SMARCAD1: variants seen among roughly 807,000 people sequenced by gnomAD.
The protein encoded by SMARCAD1 is SWI/SNF-related matrix-associated actin-dependent regulator of chromatin subfamily A containing DEAD/H box 1.
SMARCAD1 carries 25 observed loss-of-function variants against 127.1 expected under a neutral mutation model. That is an observed-to-expected ratio of 0.20 (90% CI 0.14 to 0.27). SMARCAD1 has a LOEUF of 0.27. Ranked by LOEUF, SMARCAD1 falls within the 10% of genes least tolerant of loss-of-function variation. The pLI is 1.00. For missense variants in SMARCAD1, 807 were observed against 1,206.0 expected (o/e 0.67, Z 4.90); for synonymous variants, 400 against 396.9 (o/e 1.01, Z -0.09).
At chr4:94,274,462 G>A (rs940394856) in intron 12 of SMARCAD1, among the ~76,000 whole-genome samples, 8 of 151,908 alleles carry the variant, frequency 5.3e-5, no homozygotes, top group Non-Finnish European at 1.2e-4. Flanking sequence ...GACTACAGGC[G>A]CCCGCCACCA....
At chr4:94,261,980 G>A (rs1260624581) in intron 9 of SMARCAD1, among the ~76,000 whole-genome samples, 1 of 152,124 alleles carries the variant, frequency 6.6e-6, no homozygotes, top group African/African-American at 2.4e-5. Context: ...TGGCTTCTCT[G>A]ATACCACATC....
chr4:94,208,401 C>T lies in SMARCAD1; in HGVS notation c.7C>T (p.Leu3Phe). The T allele has an allele frequency of 6.2e-7, 1 of 1,614,024 alleles. No homozygotes were observed. Among genetic ancestry groups the T allele is most frequent in the East Asian group, 2.2e-5 (1 of 44,868 alleles). Residue 3 changes from leucine to phenylalanine, a missense_variant, in exon 2 of 24, where the codon CTT (leucine) becomes TTT (phenylalanine). This residue lies in a region of SMARCAD1 where 175 missense variants were observed against 169.5 expected (regional missense o/e 1.03). Coordinates refer to ENST00000354268, the MANE Select transcript of SMARCAD1 (RefSeq NM_020159.5). Reference sequence around the variant, plus strand: ...GGTGGTGCTTTCTACCAATATGAATCTTTTCAACCTGGACCGTTTTCGCTT... The same window carrying T: ...GGTGGTGCTTTCTACCAATATGAATTTTTTCAACCTGGACCGTTTTCGCTT... Reference protein sequence around the residue: MNLFNLDRFRFEK... With the variant: MNFFNLDRFRFEK...
intron 3 of SMARCAD1, 106 bp downstream of exon 3, chr4:94,226,402 C>CTTTT (rs34491534): frequency 2.6e-5 from 12 of 466,104 alleles, no homozygotes; most frequent in African/African-American, 4.9e-5. Flanking sequence ...TTTTTTTTTT[C>CTTTT]TTTTTTTTTT....
chr4:94,228,706 T>A (rs1243433642), intron 3 of SMARCAD1, among the ~76,000 whole-genome samples: 1 of 152,070 alleles, frequency 6.6e-6, no homozygotes, highest in East Asian at 1.9e-4. Flanking sequence ...GCTAGTTCCT[T>A]ATGTTGTCAT....
intron 3 of SMARCAD1, 39 bp downstream of exon 3, chr4:94,226,335 T>C: frequency 6.4e-7 from 1 of 1,555,896 alleles, no homozygotes; most frequent in Non-Finnish European, 8.8e-7. Flanking sequence ...TGCATGTGTG[T>C]GAGATTTTCC....
In SMARCAD1 at chr4:94,246,429, A is replaced by AGATT. The variant is rs776777440; in HGVS notation, c.706-3225_706-3224insGATT. ...CCAGCGTGCCCAGCCATAACTGACA[A>AGATT]TCTTAAGAGGTATTTTATAAAATGA... On this transcript the variant is annotated intron_variant, in intron 6 of 23. Coordinates refer to ENST00000354268, the MANE Select transcript of SMARCAD1 (RefSeq NM_020159.5). Among the ~76,000 whole-genome samples the AGATT allele has an allele frequency of 6.8e-4, 104 of 152,058 alleles. 1 individual carries two copies. The highest frequency in any genetic ancestry group is 1.2e-3 in the Non-Finnish European group (79 of 68,010).
chr4:94,210,457 T>G (rs1742025350), intron 2 of SMARCAD1, among the ~76,000 whole-genome samples: 1 of 152,198 alleles, frequency 6.6e-6, no homozygotes, highest in African/African-American at 2.4e-5. Context: ...AAGAAAGTTT[T>G]AAAAGTCAGT....
Position 94,226,182 on chromosome 4 carries a change from A to G in SMARCAD1, c.254A>G (p.Asn85Ser). ...ERKASISYFKNQRGIQYIDLS... is the reference protein window; with the variant it reads ...ERKASISYFKSQRGIQYIDLS... ...AAAGCAAGTATATCATATTTCAAAA[A>G]TCAAAGAGGAATACAGTATATTGAT... The change falls in exon 3 of 24, where the codon AAT becomes AGT. Residue 85 changes from asparagine to serine, a missense_variant. By Grantham distance (46) the Asn-to-Ser change is conservative. Around this residue, in one of 8 missense-constraint regions of SMARCAD1, gnomAD observed 175 missense variants for 169.5 expected, o/e 1.03. Transcript: ENST00000354268. 2 of 1,612,610 alleles carry G rather than the reference A, an allele frequency of 1.2e-6. No homozygotes were observed. The highest frequency in any genetic ancestry group is 1.7e-6 in the Non-Finnish European group (2 of 1,178,776).
chr4:94,288,217 A>G (rs1428157286), intron 23 of SMARCAD1, among the ~76,000 whole-genome samples: 1 of 152,146 alleles, frequency 6.6e-6, no homozygotes, highest in East Asian at 1.9e-4. Flanking sequence ...TAATTTTCAG[A>G]CATTATCATA....
At chr4:94,254,838 T>G (rs1749810164) in intron 9 of SMARCAD1, among the ~76,000 whole-genome samples, 1 of 152,066 alleles carries the variant, frequency 6.6e-6, no homozygotes, top group Non-Finnish European at 1.5e-5. Flanking sequence ...AAATTTTAAT[T>G]TGCTTAGAAC....
At chr4:94,222,023 A>C (rs1303140358) in intron 2 of SMARCAD1, among the ~76,000 whole-genome samples, 1 of 152,172 alleles carries the variant, frequency 6.6e-6, no homozygotes, top group South Asian at 2.1e-4. Context: ...TACTTTGGTA[A>C]GTATATTTAA....
chr4:94,209,041 C>A (rs1428749926), intron 2 of SMARCAD1, among the ~76,000 whole-genome samples: 1 of 152,212 alleles, frequency 6.6e-6, no homozygotes, highest in African/African-American at 2.4e-5. Flanking sequence ...ACATCAAGTT[C>A]TTGCATCCAC....
chr4:94,214,568 G>A (rs2125795327), intron 2 of SMARCAD1, among the ~76,000 whole-genome samples: 1 of 152,046 alleles, frequency 6.6e-6, no homozygotes, highest in Non-Finnish European at 1.5e-5. Flanking sequence ...ACCTGGCCAA[G>A]CGTTTGTTAA....
chr4:94,252,603 C>T lies in SMARCAD1; in HGVS notation c.890-13C>T. On this transcript the variant is annotated splice_polypyrimidine_tract_variant and intron_variant, in intron 8 of 23. Coordinates refer to ENST00000354268, the MANE Select transcript of SMARCAD1 (RefSeq NM_020159.5). ...TTTCTAATTTAGTTACTGTTTTTGT[C>T]TTTTATATACAGATATGCAATATGT... 4 of 1,497,682 alleles carry T rather than the reference C, an allele frequency of 2.7e-6. No individual in the cohort carries two copies. The highest frequency in any genetic ancestry group is 3.6e-6 in the Non-Finnish European group (4 of 1,117,768). 92.8% of individuals were successfully genotyped at this position (1,497,682 alleles called of 1,614,324 possible).
rs35945265 is a variant in SMARCAD1 at position 94,270,562 on chromosome 4, T to C, written c.1482-166T>C. ...ATAAAGTTTGAGAAGATCTGAAAAA[T>C]CATTTATGTCTTGGGTTCATTTTTT... On this transcript the variant is annotated intron_variant, in intron 10 of 23. Transcript: ENST00000354268. The C allele has an allele frequency of 3.2e-3, 1,850 of 583,058 alleles. 7 individuals carry two copies. Among genetic ancestry groups the C allele is most frequent in the Admixed American group, 4.6e-3 (161 of 34,836 alleles). The allele number at this position is 583,058 out of a possible 1,614,324, so 36.1% of individuals were successfully genotyped here.
At chr4:94,277,895 A>T (rs188937639) in intron 16 of SMARCAD1, among the ~76,000 whole-genome samples, 1 of 152,304 alleles carries the variant, frequency 6.6e-6, no homozygotes, top group African/African-American at 2.4e-5. Flanking sequence ...TCTTCAGTTC[A>T]TAATATATGG....
chr4:94,224,742 G>GGATTTCA (rs1346504148), intron 2 of SMARCAD1, among the ~76,000 whole-genome samples: 1 of 152,066 alleles, frequency 6.6e-6, no homozygotes, highest in Non-Finnish European at 1.5e-5. Context: ...TTTTGGACTT[G>GGATTTCA]GATTTCAGAT....
intron 11 of SMARCAD1, among the ~76,000 whole-genome samples, chr4:94,272,859 T>C (rs1227123932): frequency 1.3e-5 from 2 of 152,072 alleles, no homozygotes; most frequent in Admixed American, 6.6e-5. Flanking sequence ...CAGGCTGGAG[T>C]GCAGCGGCGC....
intron 2 of SMARCAD1, 116 bp downstream of exon 2, chr4:94,208,700 G>T (rs532122861): frequency 2.9e-6 from 3 of 1,026,722 alleles, no homozygotes; most frequent in Non-Finnish European, 4.4e-6. Flanking sequence ...TTGTCCTGCG[G>T]TGTGCCCTTT....
Sources: allele counts gnomAD v4.1 joint callset (sites outside exome capture counted in the v4.1 genomes callset), GRCh38; gene constraint gnomAD v4.1.1; regional missense constraint gnomAD v4.1.1; transcripts MANE v1.5; gene names NCBI Gene and HGNC (gene_info 2026-07-23, HGNC 2026-07-21).